The following CCT6B variants were observed in gnomAD, a reference collection of about 807,000 sequenced individuals.
CCT6B encodes the protein chaperonin containing TCP1 subunit 6B, also known as probable T-complex protein 1 subunit zeta-2.
A neutral mutation model predicts 61.5 loss-of-function variants in CCT6B; 49 were observed. That is an observed-to-expected ratio of 0.80 (90% confidence interval 0.63 to 1.01). The LOEUF (loss-of-function observed/expected upper bound fraction) is 1.01. CCT6B is among the 50% of genes least tolerant of loss of function. The pLI, the probability that CCT6B is intolerant of heterozygous loss-of-function variation, is 0.00. For synonymous variants in CCT6B, 228 were observed against 214.5 expected (o/e 1.06, Z -0.55); for missense variants, 666 against 634.7 (o/e 1.05, Z -0.53).
chr17:34,928,784 T>C (rs936879099), intron 13 of CCT6B, among the ~76,000 whole-genome samples, 178 bp downstream of exon 13: 1 of 152,188 alleles, frequency 6.6e-6, no homozygotes, highest in African/African-American at 2.4e-5. Flanking sequence ...ATCTAAAATA[T>C]AAAAGGGACT....
Position 34,942,514 on chromosome 17 carries a change from T to C in CCT6B, c.855A>G (p.Ser285=), listed in dbSNP as rs2090175099. ...GATTAATGACGACAAATCCTTTATT[T>C]GACTGAGCACAGACTTTGTCCTTCA... ...IDLKDKVCAQ[S]NKGFVVINQK... Residue 285 remains serine, a synonymous_variant, in exon 7 of 14, where the codon TCA becomes TCG. Coordinates refer to ENST00000314144, the MANE Select transcript of CCT6B (RefSeq NM_006584.4). The C allele has an allele frequency of 6.3e-7, 1 of 1,593,120 alleles. No homozygotes were observed. Among genetic ancestry groups the C allele is most frequent in the East Asian group, 2.2e-5 (1 of 44,486 alleles).
chr17:34,942,910 T>C lies in CCT6B; in HGVS notation c.615-4A>G, dbSNP rs1406000947. The stretch of plus-strand genomic sequence containing the variant: ...CAAAACTAATCCTTGGATCAACCTA[T>C]TAAAAATATTAATGTTTCTTACTTT... On this transcript the variant is annotated splice_polypyrimidine_tract_variant and splice_region_variant and intron_variant, in intron 5 of 13. Coordinates refer to ENST00000314144, the MANE Select transcript of CCT6B (RefSeq NM_006584.4). 6 of 1,496,790 alleles carry C rather than the reference T, an allele frequency of 4.0e-6. No homozygotes were observed. The South Asian group carries it at 7.2e-5, about 18-fold the overall frequency. 92.7% of individuals were successfully genotyped at this position (1,496,790 alleles called of 1,614,324 possible). A position where few individuals can be genotyped will look rare whatever the true frequency, so the allele number is the denominator to read the frequency against.
rs1479834372 is a variant in CCT6B, at chr17:34,953,334, TA to T, written c.510+1091del. 8.3e-3 allele frequency among the ~76,000 whole-genome samples: 1,096 copies of T among 132,434 alleles called. 11 individuals carry two copies. The highest frequency in any genetic ancestry group is 0.028 in the East Asian group (93 of 3,266). The allele number at this position is 132,434 out of a possible 152,430, so 86.9% of individuals were successfully genotyped here. ...TTTATATAAAATATATATATATATATATATATATTTTTTTGAGACAAAGTTT... is the reference window on the plus strand; with the variant it reads ...TTTATATAAAATATATATATATATATTATATATTTTTTTGAGACAAAGTTT... On this transcript the variant is annotated intron_variant, in intron 4 of 13. Coordinates refer to ENST00000314144, the MANE Select transcript of CCT6B (RefSeq NM_006584.4).
At position 34,931,023 on chromosome 17, in the gene CCT6B, G is replaced by C. The variant is rs2090029525; in HGVS notation, c.1376C>G (p.Pro459Arg). 1.9e-6 allele frequency: 3 copies of C among 1,595,472 alleles called. No homozygotes were observed. The highest frequency in any genetic ancestry group is 1.7e-6 in the Non-Finnish European group (2 of 1,167,314). The change falls in exon 12 of 14, where the codon CCA becomes CGA. Residue 459 changes from proline (P) to arginine (R), a missense_variant. Coordinates refer to ENST00000314144, the MANE Select transcript of CCT6B (RefSeq NM_006584.4). ...CTGAACTTTTACTAATGTTTCCTGTGGGTCATAACCAGCATTCTGAGCAAG... is the reference window on the plus strand; with the variant it reads ...CTGAACTTTTACTAATGTTTCCTGTCGGTCATAACCAGCATTCTGAGCAAG... ...KVLAQNAGYD[P>R]QETLVKVQAE...
intron 5 of CCT6B, chr17:34,949,797 T>C (rs191837275): frequency 1.3e-5 from 2 of 152,210 alleles, no homozygotes; most frequent in East Asian, 3.9e-4. Flanking sequence ...TACAAAATAA[T>C]ATTGAAAGAT....
At chr17:34,952,180 A>G (rs185668965) in intron 4 of CCT6B, 127 bp from the exon 5 acceptor site, 7 of 555,334 alleles carry the variant, frequency 1.3e-5, no homozygotes, top group Non-Finnish European at 2.2e-5. Context: ...GGCAAGACCA[A>G]TATGTGCCAC....
intron 10 of CCT6B, among the ~76,000 whole-genome samples, chr17:34,934,135 A>G (rs1460090268): frequency 4.2e-5 from 6 of 142,136 alleles, no homozygotes; most frequent in African/African-American, 7.8e-5. Flanking sequence ...TTTCAAAAAG[A>G]AAAAAAAAAA....
At chr17:34,943,036 GT>G in intron 5 of CCT6B, 130 bp from the exon 6 acceptor site, 1 of 601,648 alleles carries the variant, frequency 1.7e-6, no homozygotes, top group Non-Finnish European at 2.8e-6. Context: ...AATTTTAACA[GT>G]TTTTGGTGTT....
At chr17:34,932,234 C>G in intron 11 of CCT6B, 133 bp downstream of exon 11, 1 of 787,022 alleles carries the variant, frequency 1.3e-6, no homozygotes, top group Non-Finnish European at 1.9e-6. Flanking sequence ...TGTAAAATAT[C>G]TAAGAGAAAA....
rs530377517 is a variant in CCT6B at position 34,931,385 on chromosome 17, T to G, written c.1348-334A>C. On this transcript the variant is annotated intron_variant, in intron 11 of 13. Transcript: ENST00000314144. ...TAGTATGGAAGGAAGTAGAATGATA[T>G]TCTTGTTTCCTCTAGTGCCGCTAGC... Among the ~76,000 whole-genome samples the G allele has an allele frequency of 4.6e-5, 7 of 152,322 alleles. No individual in the cohort carries two copies. In the South Asian group the frequency reaches 1.5e-3, roughly 32 times the overall value.
chr17:34,930,108 C>T (rs1487495090), intron 12 of CCT6B, among the ~76,000 whole-genome samples: 2 of 152,072 alleles, frequency 1.3e-5, no homozygotes, highest in Non-Finnish European at 2.9e-5. Flanking sequence ...CCTGTCTCTA[C>T]TAAAAATACA....
intron 4 of CCT6B, among the ~76,000 whole-genome samples, chr17:34,954,213 T>A (rs1490018452): frequency 3.3e-5 from 5 of 151,980 alleles, no homozygotes; most frequent in African/African-American, 1.2e-4. Flanking sequence ...AAGTCACGTT[T>A]AAAAAAAGGC....
chr17:34,939,355 A>G lies in CCT6B; in HGVS notation c.1066-25T>C, dbSNP rs2090132649. The G allele has an allele frequency of 3.8e-6, 6 of 1,574,432 alleles. No homozygotes were observed. In the Middle Eastern group the frequency reaches 8.4e-4, roughly 221 times the overall value. On this transcript the variant is annotated intron_variant, in intron 9 of 13. Coordinates refer to ENST00000314144, the MANE Select transcript of CCT6B (RefSeq NM_006584.4). ...CCTAAAGGGTGGCACAAAAATATATAACTTTAATATTTGATGTCATTATAA... is the reference window on the plus strand; with the variant it reads ...CCTAAAGGGTGGCACAAAAATATATGACTTTAATATTTGATGTCATTATAA...
At chr17:34,935,610 C>T (rs1446427088) in intron 10 of CCT6B, among the ~76,000 whole-genome samples, 2 of 152,090 alleles carry the variant, frequency 1.3e-5, no homozygotes, top group African/African-American at 2.4e-5. Context: ...AATCCCAGAC[C>T]TTTGGGAGGC....
chr17:34,929,927 T>C (rs999760945), intron 12 of CCT6B, among the ~76,000 whole-genome samples: 1 of 152,212 alleles, frequency 6.6e-6, no homozygotes, highest in African/African-American at 2.4e-5. Context: ...CTGCCAAAAC[T>C]GAATGCTGAT....
intron 11 of CCT6B, among the ~76,000 whole-genome samples, chr17:34,932,159 T>C (rs747860044): frequency 2.6e-5 from 4 of 152,206 alleles, no homozygotes; most frequent in African/African-American, 7.2e-5. Context: ...AGGGGGTAAG[T>C]TGGCTATTTC....
At chr17:34,929,975 C>T (rs1012211696) in intron 12 of CCT6B, among the ~76,000 whole-genome samples, 5 of 152,220 alleles carry the variant, frequency 3.3e-5, no homozygotes, top group African/African-American at 1.2e-4. Flanking sequence ...CAGTATTCTC[C>T]ACCACAGTTG....
chr17:34,930,910 C>T (rs771175642), intron 12 of CCT6B, 39 bp downstream of exon 12: 1 of 1,040,656 alleles, frequency 9.6e-7, no homozygotes, highest in Admixed American at 1.7e-5. Flanking sequence ...TAAAGAATAA[C>T]CTCTTTATTA....
intron 10 of CCT6B, among the ~76,000 whole-genome samples, chr17:34,934,766 C>T (rs1426276712): frequency 1.3e-5 from 2 of 152,218 alleles, no homozygotes; most frequent in Non-Finnish European, 1.5e-5. Flanking sequence ...TTCTCCACAA[C>T]AACTTTACAC....
Sources: allele counts gnomAD v4.1 joint callset (sites outside exome capture counted in the v4.1 genomes callset), GRCh38; gene constraint gnomAD v4.1.1; transcripts MANE v1.5; gene names NCBI Gene and HGNC (gene_info 2026-07-23, HGNC 2026-07-21).